The following NR2C1 variants were observed in gnomAD, a reference collection of about 807,000 sequenced individuals.
The protein encoded by NR2C1 is nuclear receptor subfamily 2 group C member 1.
A neutral mutation model predicts 74.8 loss-of-function variants in NR2C1; 33 were observed. The ratio of observed to expected loss-of-function variants is 0.44; its 90% CI spans 0.33 to 0.59. The LOEUF (loss-of-function observed/expected upper bound fraction) is 0.59. Among genes scored for constraint, NR2C1 ranks in the 20% least tolerant of loss-of-function variants. The pLI is 0.02. For missense variants in NR2C1, 568 were observed against 715.6 expected (o/e 0.79, Z 2.35); for synonymous variants, 225 against 240.6 (o/e 0.94, Z 0.60).
chr12:95,060,075 C>G (rs969165213), intron 3 of NR2C1, 91 bp from the exon 4 acceptor site: 13 of 1,027,924 alleles, frequency 1.3e-5, no homozygotes, highest in South Asian at 9.9e-5. Flanking sequence ...AAAGAACATT[C>G]AGTTGGTCTT....
Position 95,049,053 on chromosome 12 carries a change from A to G in NR2C1, c.1131+15T>C. 6.2e-7 allele frequency: 1 copy of G among 1,607,848 alleles called. No homozygotes were observed. On this transcript the variant is annotated intron_variant, in intron 9 of 13. Transcript: ENST00000333003. ...GCAACACAACATACAAGTTAAAAAA[A>G]ACATATAGAAATACCCTGAAAGCTA... is the stretch of plus-strand genomic sequence containing the variant.
In NR2C1 at chr12:95,028,464, A is replaced by T. The variant is rs770003114; in HGVS notation, c.1454T>A (p.Phe485Tyr). The change falls in exon 12 of 14, where the codon TTT (phenylalanine) becomes TAT (tyrosine). Residue 485 changes from phenylalanine (F) to tyrosine (Y), a missense_variant. Phe to Tyr is a conservative substitution (Grantham distance 22). Coordinates refer to ENST00000333003, the MANE Select transcript of NR2C1 (RefSeq NM_003297.4). Reference sequence around the variant, plus strand: ...GCAGAGTTTAACCATGCTGTTACAAAACTCCTGTAGTTTGAAGATGTGCTC... The same window carrying T: ...GCAGAGTTTAACCATGCTGTTACAATACTCCTGTAGTTTGAAGATGTGCTC... ...LMEHIFKLQEFCNSMVKLCID... is the reference protein window; with the variant it reads ...LMEHIFKLQEYCNSMVKLCID... 1 of 1,599,310 alleles carries T rather than the reference A, an allele frequency of 6.3e-7. No homozygotes were observed. The highest frequency in any genetic ancestry group is 1.1e-5 in the South Asian group (1 of 89,434).
intron 10 of NR2C1, among the ~76,000 whole-genome samples, chr12:95,034,059 A>G (rs1870503598): frequency 6.6e-6 from 1 of 152,234 alleles, no homozygotes; most frequent in South Asian, 2.1e-4. Context: ...AAGCTTTAAA[A>G]TTAGGATAAT....
At chr12:95,044,576 G>A (rs1005103423) in intron 9 of NR2C1, among the ~76,000 whole-genome samples, 3 of 151,940 alleles carry the variant, frequency 2.0e-5, no homozygotes, top group Non-Finnish European at 2.9e-5. Context: ...CTGCCCAGCC[G>A]ATATAGCTTT....
intron 4 of NR2C1, 114 bp downstream of exon 4, chr12:95,059,792 C>T: frequency 4.2e-6 from 3 of 715,204 alleles, no homozygotes; most frequent in South Asian, 4.5e-5. Context: ...TCCTTTATTT[C>T]TCTTCTTACT....
chr12:95,036,988 C>T (rs1428188798), intron 10 of NR2C1, among the ~76,000 whole-genome samples: 4 of 152,094 alleles, frequency 2.6e-5, no homozygotes, highest in Non-Finnish European at 5.9e-5. Context: ...TTACAGGTTT[C>T]AAAACTACAA....
At chr12:95,037,865 A>G (rs926193288) in intron 10 of NR2C1, among the ~76,000 whole-genome samples, 2 of 145,430 alleles carry the variant, frequency 1.4e-5, no homozygotes, top group African/African-American at 2.6e-5. Flanking sequence ...ACTGCACTCC[A>G]GTCTGGGCGA....
At chr12:95,062,777 AT>A (rs1565873516) in intron 2 of NR2C1, 39 bp from the exon 3 acceptor site, 6 of 1,495,196 alleles carry the variant, frequency 4.0e-6, no homozygotes, top group Non-Finnish European at 5.6e-6. Context: ...AAACTCAATA[AT>A]TTTTCTTTAA....
At chr12:95,030,989 G>T (rs552312998) in intron 11 of NR2C1, 3 of 845,230 alleles carry the variant, frequency 3.5e-6, no homozygotes, top group Non-Finnish European at 5.6e-6. Flanking sequence ...GATTCAAAGG[G>T]CTATAATAAA....
rs1868771010 is a variant in NR2C1, at chr12:95,021,484, G to A, written c.*745C>T. 6.6e-6 allele frequency: 1 copy of A among 151,778 alleles called. No individual in the cohort carries two copies. Among genetic ancestry groups the A allele is most frequent in the Admixed American group, 6.6e-5 (1 of 15,252 alleles). 9.4% of individuals were successfully genotyped at this position (151,778 alleles called of 1,614,324 possible). On this transcript the variant is annotated 3_prime_UTR_variant, in exon 14 of 14. Transcript: ENST00000333003. ...AACAGTGAAACCCACCTCTATAAAC[G>A]AAAACAAAAACAAAAACACGAGCAG... is the stretch of plus-strand genomic sequence containing the variant.
chr12:95,065,252 G>A (rs929309541), intron 2 of NR2C1, among the ~76,000 whole-genome samples: 3 of 151,732 alleles, frequency 2.0e-5, no homozygotes, highest in South Asian at 2.1e-4. Context: ...GTGCGATCTC[G>A]GCTCACTGCA....
chr12:95,030,271 G>A (rs1869907915), intron 11 of NR2C1: 1 of 263,596 alleles, frequency 3.8e-6, no homozygotes, highest in Non-Finnish European at 6.8e-6. Context: ...TCAAATTTTG[G>A]TAATAGGATT....
intron 2 of NR2C1, among the ~76,000 whole-genome samples, chr12:95,065,924 T>C (rs558569699): frequency 3.6e-4 from 54 of 149,772 alleles, no homozygotes; most frequent in African/African-American, 1.2e-3. Flanking sequence ...CACTCCAGCC[T>C]GGACAACAGA....
intron 3 of NR2C1, among the ~76,000 whole-genome samples, chr12:95,061,095 T>C (rs1874710818): frequency 6.6e-6 from 1 of 152,168 alleles, no homozygotes; most frequent in Non-Finnish European, 1.5e-5. Flanking sequence ...CCAAGTCCAA[T>C]AGTGGCACAT....
In NR2C1 at chr12:95,063,155, AAAAC is replaced by A. The variant is rs370712321; in HGVS notation, c.55-421_55-418del. On this transcript the variant is annotated intron_variant, in intron 2 of 13. Transcript: ENST00000333003. Reference sequence around the variant, plus strand: ...CATGCGGTACTAAATGCTATGAAGAAAAACAAGGCAAGGTGAGACAGTAACAGAA... The same window carrying A: ...CATGCGGTACTAAATGCTATGAAGAAAAGGCAAGGTGAGACAGTAACAGAA... Among the ~76,000 whole-genome samples the A allele has an allele frequency of 1.6e-3, 245 of 152,358 alleles. 1 individual carries two copies. Among genetic ancestry groups the A allele is most frequent in the African/African-American group, 5.8e-3 (240 of 41,596 alleles).
intron 7 of NR2C1, among the ~76,000 whole-genome samples, chr12:95,055,672 G>C (rs932902644): frequency 1.3e-5 from 2 of 152,040 alleles, no homozygotes; most frequent in African/African-American, 4.8e-5. Flanking sequence ...ATCAGATCCC[G>C]GCCGGGCGCA....
chr12:95,062,362 G>T, intron 3 of NR2C1, 146 bp downstream of exon 3: 2 of 615,336 alleles, frequency 3.3e-6, no homozygotes, highest in Admixed American at 3.0e-5. Flanking sequence ...GGAGAGGGCT[G>T]TCACTGTAGA....
At chr12:95,054,321 C>G (rs1348875001) in intron 7 of NR2C1, among the ~76,000 whole-genome samples, 1 of 148,526 alleles carries the variant, frequency 6.7e-6, no homozygotes, top group Non-Finnish European at 1.5e-5. Flanking sequence ...TTTTAAGAGA[C>G]AGTGTTTTTT....
intron 2 of NR2C1, 156 bp from the exon 3 acceptor site, chr12:95,062,894 A>C: frequency 1.6e-6 from 1 of 624,744 alleles, no homozygotes; most frequent in African/African-American, 1.8e-5. Context: ...TATCCTACAG[A>C]AATAAACAAA....
Sources: gnomAD v4.1 joint callset for allele counts (sites outside exome capture counted in the v4.1 genomes callset) on GRCh38, gnomAD v4.1.1 for gene constraint, MANE v1.5 for transcripts, NCBI Gene and HGNC (gene_info 2026-07-23, HGNC 2026-07-21) for gene names.